Variants in IFT88 observed in about 807,000 individuals in gnomAD.
IFT88 encodes intraflagellar transport 88, also known as intraflagellar transport protein 88 homolog.
A neutral mutation model predicts 119.5 loss-of-function variants in IFT88; 74 were observed. That is an observed-to-expected ratio of 0.62 (90% CI 0.51 to 0.75). IFT88 has a LOEUF of 0.75. Ranked by LOEUF, IFT88 falls within the 30% of genes least tolerant of loss-of-function variation. The pLI is 0.00. For synonymous variants in IFT88, 279 were observed against 316.7 expected, an observed-to-expected ratio of 0.88 and a Z score of 1.26; for missense variants, 961 against 977.7, an observed-to-expected ratio of 0.98 and a Z score of 0.23.
At chr13:20,672,349 G>T (rs2056033062) in intron 24 of IFT88, among the ~76,000 whole-genome samples, 1 of 152,128 alleles carries the variant, frequency 6.6e-6, no homozygotes, top group Admixed American at 6.5e-5. Flanking sequence ...CCATTACCCA[G>T]AGCTGGAGAA....
intron 2 of IFT88, among the ~76,000 whole-genome samples, chr13:20,575,063 T>C (rs1045752809): frequency 6.5e-5 from 4 of 61,280 alleles, no homozygotes; most frequent in Non-Finnish European, 1.7e-4. Flanking sequence ...CGCTTTCTTT[T>C]TGTTTTTTTT....
chr13:20,578,031 C>CT (rs1566055004), intron 2 of IFT88, among the ~76,000 whole-genome samples: 3 of 59,824 alleles, frequency 5.0e-5, no homozygotes, highest in African/African-American at 1.0e-4. Context: ...AGTCTTGTTA[C>CT]TTCTTTTTTT....
At chr13:20,675,961 G>A (rs1415003057) in intron 24 of IFT88, among the ~76,000 whole-genome samples, 1 of 152,170 alleles carries the variant, frequency 6.6e-6, no homozygotes, top group Non-Finnish European at 1.5e-5. Context: ...TGGGGCCTGG[G>A]AATTATCCTT....
intron 8 of IFT88, 86 bp from the exon 9 acceptor site, chr13:20,596,929 C>T: frequency 1.5e-6 from 1 of 681,880 alleles, no homozygotes; most frequent in Non-Finnish European, 2.4e-6. Flanking sequence ...AAAATGAATT[C>T]ATCCAACCTT....
intron 3 of IFT88, among the ~76,000 whole-genome samples, chr13:20,584,826 G>C (rs1222130978): frequency 6.6e-6 from 1 of 152,070 alleles, no homozygotes; most frequent in African/African-American, 2.4e-5. Flanking sequence ...TCTCAGCGGG[G>C]GGCACTTGTG....
intron 2 of IFT88, among the ~76,000 whole-genome samples, chr13:20,578,770 A>T (rs1465447971): frequency 5.3e-5 from 8 of 151,950 alleles, no homozygotes. Context: ...GCTGGTCTTG[A>T]ACTGCTGACC....
intron 22 of IFT88, among the ~76,000 whole-genome samples, chr13:20,661,712 G>T (rs186865961): frequency 6.6e-6 from 1 of 151,266 alleles, no homozygotes; most frequent in Non-Finnish European, 1.5e-5. Context: ...TCCAGCCCAG[G>T]TGACAGAGCA....
chr13:20,605,139 T>C, intron 13 of IFT88, 34 bp downstream of exon 13: 2 of 821,260 alleles, frequency 2.4e-6, no homozygotes, highest in East Asian at 2.8e-5. Context: ...TAGTTATTAA[T>C]TACATTATTT....
chr13:20,691,030 C>T (rs376548396), intron 25 of IFT88, 24 bp from the exon 26 acceptor site: 85 of 1,609,346 alleles, frequency 5.3e-5, no homozygotes, highest in East Asian at 3.1e-4. Context: ...ATAACTCTAA[C>T]GTGACAATCT....
chr13:20,684,826 C>A (rs191858400), intron 24 of IFT88, among the ~76,000 whole-genome samples: 97 of 152,344 alleles, frequency 6.4e-4, no homozygotes, highest in African/African-American at 2.3e-3. Context: ...TCGGGTGTTC[C>A]CCAGCGTAGT....
intron 21 of IFT88, 77 bp downstream of exon 21, chr13:20,654,005 C>G: frequency 2.7e-6 from 2 of 729,208 alleles, no homozygotes; most frequent in Non-Finnish European, 4.6e-6. Context: ...TAAATGTGAT[C>G]CAGTTGCATA....
chr13:20,625,884 T>G, intron 15 of IFT88, 35 bp downstream of exon 15: 46 of 1,070,218 alleles, frequency 4.3e-5, no homozygotes, highest in Non-Finnish European at 5.7e-5. Flanking sequence ...TGGAATTCCA[T>G]ATCTTAATTG....
chr13:20,588,549 A>G (rs2040123449), intron 3 of IFT88, among the ~76,000 whole-genome samples: 1 of 152,252 alleles, frequency 6.6e-6, no homozygotes, highest in African/African-American at 2.4e-5. Flanking sequence ...GACACTAGCC[A>G]CATGAAACTA....
At chr13:20,574,128 T>G (rs538786735) in intron 1 of IFT88, among the ~76,000 whole-genome samples, 2 of 152,208 alleles carry the variant, frequency 1.3e-5, no homozygotes, top group South Asian at 4.1e-4. Context: ...AGAAATTGAG[T>G]CCAGCCTGGG....
chr13:20,627,516 G>A (rs1404859604), intron 15 of IFT88, among the ~76,000 whole-genome samples: 1 of 151,832 alleles, frequency 6.6e-6, no homozygotes, highest in Non-Finnish European at 1.5e-5. Flanking sequence ...GATCACCTGA[G>A]GTCAAGAGTT....
chr13:20,575,574 C>A (rs1272336119), intron 2 of IFT88, among the ~76,000 whole-genome samples: 1 of 151,754 alleles, frequency 6.6e-6, no homozygotes, highest in African/African-American at 2.4e-5. Flanking sequence ...TTAGCATGAT[C>A]TTCTTGGTGC....
In IFT88 at chr13:20,638,318, T is replaced by C. The variant is rs753648418; in HGVS notation, c.1387-14T>C. The C allele has an allele frequency of 2.3e-6, 3 of 1,288,304 alleles. No homozygotes were observed. The highest frequency in any genetic ancestry group is 5.9e-5 in the South Asian group (2 of 34,020). The allele number at this position is 1,288,304 out of a possible 1,614,324, so 79.8% of individuals were successfully genotyped here. A position where few individuals can be genotyped will look rare whatever the true frequency, so the allele number is the denominator to read the frequency against. ...TCATGAAATTCAAATAATTTGTATA[T>C]GTATTTTACTTAGGGAAAGGATTTT... is the stretch of plus-strand genomic sequence containing the variant. On this transcript the variant is annotated splice_polypyrimidine_tract_variant and intron_variant, in intron 16 of 25. Coordinates refer to ENST00000351808, the MANE Select transcript of IFT88 (RefSeq NM_006531.5).
At chr13:20,593,905 G>T (rs1305999400) in intron 7 of IFT88, among the ~76,000 whole-genome samples, 1 of 151,822 alleles carries the variant, frequency 6.6e-6, no homozygotes, top group African/African-American at 2.4e-5. Context: ...TAAAAAATTA[G>T]CTGGGTATGG....
Position 20,567,869 on chromosome 13 carries a change from T to G in IFT88, c.-7+613T>G, listed in dbSNP as rs1177334205. On this transcript the variant is annotated intron_variant, in intron 1 of 25. Coordinates refer to ENST00000351808, the MANE Select transcript of IFT88 (RefSeq NM_006531.5). The stretch of plus-strand genomic sequence containing the variant: ...TCTGGTTGTGAGTTTTTTTTGTTTG[T>G]TTTTTTTTTTTCGAGAAACTGCAGT... The G allele has an allele frequency of 1.3e-5, 7 of 521,814 alleles. No individual in the cohort carries two copies. The East Asian group carries it at 1.5e-4, about 11-fold the overall frequency. The allele number at this position is 521,814 out of a possible 1,614,324, so 32.3% of individuals were successfully genotyped here.
Sources: gnomAD v4.1 joint callset for allele counts (sites outside exome capture counted in the v4.1 genomes callset) on GRCh38, gnomAD v4.1.1 for gene constraint, MANE v1.5 for transcripts, NCBI Gene and HGNC (gene_info 2026-07-23, HGNC 2026-07-21) for gene names.